CNKSR2: variants seen among roughly 807,000 people sequenced by gnomAD.
CNKSR2 encodes the protein connector enhancer of kinase suppressor of Ras 2.
Under a neutral mutation model 84.4 loss-of-function variants are expected in CNKSR2, and 14 were observed. The observed-to-expected ratio is 0.17, with a 90% CI of 0.11 to 0.26. The LOEUF is 0.26. Ranked by LOEUF, CNKSR2 falls within the 10% of genes least tolerant of loss-of-function variation. The pLI is 1.00. For synonymous variants in CNKSR2, 275 were observed against 277.9 expected (o/e 0.99, Z 0.10); for missense variants, 485 against 771.2 (o/e 0.63, Z 4.40).
intron 8 of CNKSR2, among the ~76,000 whole-genome samples, chrX:21,515,633 C>T (rs2147094899): frequency 9.0e-6 from 1 of 111,491 alleles, no homozygotes; most frequent in Admixed American, 9.6e-5. Flanking sequence ...TTACCTGATA[C>T]TGCATCACTA....
intron 1 of CNKSR2, among the ~76,000 whole-genome samples, chrX:21,375,997 A>G (rs1298731790): frequency 3.6e-5 from 4 of 111,941 alleles, no homozygotes; most frequent in Non-Finnish European, 7.5e-5. Context: ...GATGGAATGG[A>G]ATAAAGGATG....
intron 13 of CNKSR2, among the ~76,000 whole-genome samples, chrX:21,578,891 A>C (rs1379612033): frequency 1.8e-5 from 2 of 111,802 alleles, no homozygotes; most frequent in Non-Finnish European, 3.8e-5. Context: ...TGAAGTGAGG[A>C]AGAACAAGAC....
At chrX:21,388,384 A>G (rs997769414) in intron 1 of CNKSR2, among the ~76,000 whole-genome samples, 4 of 112,208 alleles carry the variant, frequency 3.6e-5, no homozygotes, top group Admixed American at 9.5e-5. Flanking sequence ...AGTAATTCCT[A>G]TTGAACATTT....
intron 20 of CNKSR2, among the ~76,000 whole-genome samples, chrX:21,629,494 G>GC (rs1160070023): frequency 8.9e-6 from 1 of 112,286 alleles, no homozygotes; most frequent in Non-Finnish European, 1.9e-5. Flanking sequence ...GTTCCACATA[G>GC]CTGGGGAAGC....
intron 20 of CNKSR2, among the ~76,000 whole-genome samples, chrX:21,624,498 GTTTGTTTT>G (rs1005676029): frequency 2.7e-5 from 3 of 111,522 alleles, no homozygotes; most frequent in East Asian, 2.8e-4. Context: ...CTACCTCTAA[GTTTGTTTT>G]TTTGTTTTTT....
chrX:21,556,128 CT>C (rs1367838730), intron 11 of CNKSR2, among the ~76,000 whole-genome samples: 1 of 110,521 alleles, frequency 9.0e-6, no homozygotes, highest in Admixed American at 9.7e-5. Flanking sequence ...GGGAAAGAAA[CT>C]ACGAAAATAG....
At chrX:21,509,764 G>C (rs1253328649) in intron 8 of CNKSR2, among the ~76,000 whole-genome samples, 1 of 111,430 alleles carries the variant, frequency 9.0e-6, no homozygotes, top group Non-Finnish European at 1.9e-5. Context: ...GATGGATTTC[G>C]TAGATTGGTA....
intron 9 of CNKSR2, among the ~76,000 whole-genome samples, chrX:21,521,271 A>C (rs1166004428): frequency 9.0e-6 from 1 of 110,877 alleles, no homozygotes. Flanking sequence ...TTAACTAAAA[A>C]TGTAATTGGG....
intron 20 of CNKSR2, among the ~76,000 whole-genome samples, chrX:21,646,188 C>T (rs759922077): frequency 9.0e-6 from 1 of 110,986 alleles, no homozygotes; most frequent in South Asian, 3.8e-4. Flanking sequence ...CACACTATCC[C>T]ATTACTATAC....
intron 6 of CNKSR2, chrX:21,491,512 C>T (rs190445302): frequency 9.4e-4 from 105 of 111,949 alleles, no homozygotes; most frequent in Middle Eastern, 9.2e-3. Flanking sequence ...GAAGGCAAAG[C>T]CTTTATTGAC....
intron 1 of CNKSR2, among the ~76,000 whole-genome samples, chrX:21,419,622 C>T (rs761656651): frequency 4.3e-4 from 48 of 111,853 alleles, no homozygotes; most frequent in Middle Eastern, 4.6e-3. Flanking sequence ...ACCCCAAGCC[C>T]GGTGATGCTG....
intron 4 of CNKSR2, among the ~76,000 whole-genome samples, chrX:21,463,077 A>G (rs1006368375): frequency 9.0e-6 from 1 of 111,370 alleles, no homozygotes; most frequent in Non-Finnish European, 1.9e-5. Context: ...TTCAGCATCA[A>G]TTGAAATGAT....
chrX:21,645,587 A>G (rs781514927), intron 20 of CNKSR2: 8 of 111,673 alleles, frequency 7.2e-5, no homozygotes, highest in Non-Finnish European at 1.5e-4. Context: ...TTCAAATTGC[A>G]AAAGAGCTGG....
chrX:21,559,977 G>T (rs1285962173), intron 11 of CNKSR2, among the ~76,000 whole-genome samples: 1 of 111,547 alleles, frequency 9.0e-6, no homozygotes, highest in Non-Finnish European at 1.9e-5. Flanking sequence ...CTTAAGAACA[G>T]AATTAGAATT....
chrX:21,527,469 C>T (rs1346715319), intron 10 of CNKSR2, among the ~76,000 whole-genome samples: 1 of 109,516 alleles, frequency 9.1e-6, no homozygotes, highest in East Asian at 2.9e-4. Flanking sequence ...TGTCTTTTTC[C>T]CCTAATAATC....
At chrX:21,405,659 C>A (rs2090253755) in intron 1 of CNKSR2, among the ~76,000 whole-genome samples, 1 of 110,614 alleles carries the variant, frequency 9.0e-6, no homozygotes, top group African/African-American at 3.3e-5. Flanking sequence ...TCCCTGTCTG[C>A]GTTTGCTAGG....
chrX:21,529,995 T>G (rs1343151405), intron 10 of CNKSR2, among the ~76,000 whole-genome samples: 1 of 110,566 alleles, frequency 9.0e-6, no homozygotes, highest in Non-Finnish European at 1.9e-5. Flanking sequence ...TAGCTTGAGG[T>G]CTGGTACATT....
At chrX:21,577,624 C>CTT (rs372061050) in intron 13 of CNKSR2, among the ~76,000 whole-genome samples, 14 of 108,244 alleles carry the variant, frequency 1.3e-4, no homozygotes, top group African/African-American at 4.4e-4. Flanking sequence ...AGGCAATTGG[C>CTT]TTTTTTTTTG....
At chrX:21,557,888 G>A (rs1280416610) in intron 11 of CNKSR2, among the ~76,000 whole-genome samples, 2 of 110,903 alleles carry the variant, frequency 1.8e-5, no homozygotes, top group Non-Finnish European at 3.8e-5. Context: ...CACAGGAATG[G>A]GTCAGATGTA....
Sources: gnomAD v4.1 joint callset for allele counts (sites outside exome capture counted in the v4.1 genomes callset) on GRCh38, gnomAD v4.1.1 for gene constraint, MANE v1.5 for transcripts, NCBI Gene and HGNC (gene_info 2026-07-23, HGNC 2026-07-21) for gene names.